NCK2: variants seen among roughly 807,000 people sequenced by gnomAD.
NCK2 encodes NCK adaptor protein 2, also known as cytoplasmic protein NCK2.
NCK2 carries 16 observed loss-of-function variants against 33.9 expected under a neutral mutation model. The observed-to-expected ratio is 0.47, with a 90% CI of 0.32 to 0.72. NCK2 has a LOEUF of 0.72. Among genes scored for constraint, NCK2 ranks in the 30% least tolerant of loss-of-function variants. The probability of loss-of-function intolerance (pLI) is 0.03; values close to 1 mark genes in which losing one functional copy is unlikely to be tolerated. For missense variants in NCK2, 418 were observed against 537.3 expected (o/e 0.78, Z 2.19); for synonymous variants, 273 against 239.9 (o/e 1.14, Z -1.27).
chr2:105,785,018 G>A (rs11904001), intron 1 of NCK2, among the ~76,000 whole-genome samples: 34,677 of 151,996 alleles, frequency 0.23, 4,133 homozygotes, highest in Middle Eastern at 0.34. Flanking sequence ...TCGCTCTGTC[G>A]CCCAGGCTGG....
At chr2:105,870,717 C>G (rs939505718) in intron 3 of NCK2, among the ~76,000 whole-genome samples, 6 of 152,068 alleles carry the variant, frequency 3.9e-5, no homozygotes, top group Non-Finnish European at 2.9e-5. Context: ...CGCCACCTCA[C>G]TCCAGCCTGG....
At chr2:105,807,223 A>G (rs558788210) in intron 1 of NCK2, among the ~76,000 whole-genome samples, 4 of 152,312 alleles carry the variant, frequency 2.6e-5, no homozygotes, top group South Asian at 4.1e-4. Context: ...CTGTCCTGTG[A>G]CGCACCTGCG....
intron 1 of NCK2, among the ~76,000 whole-genome samples, chr2:105,749,284 T>G (rs1689379734): frequency 6.6e-6 from 1 of 152,246 alleles, no homozygotes; most frequent in African/African-American, 2.4e-5. Context: ...AAGCTTCAAG[T>G]GCACTCAGAA....
chr2:105,744,745 C>G (rs1296528341), upstream of NCK2, among the ~76,000 whole-genome samples: 2 of 150,106 alleles, frequency 1.3e-5, no homozygotes, highest in Non-Finnish European at 3.0e-5. Flanking sequence ...GGTCTCGGGT[C>G]CCCGCCCCGC....
chr2:105,832,079 T>G (rs983183783), intron 2 of NCK2, among the ~76,000 whole-genome samples: 1 of 152,202 alleles, frequency 6.6e-6, no homozygotes, highest in African/African-American at 2.4e-5. Context: ...CATCTTTCAC[T>G]TTCTTGGTTA....
intron 2 of NCK2, among the ~76,000 whole-genome samples, chr2:105,851,031 T>C (rs1677044881): frequency 1.3e-5 from 2 of 152,270 alleles, no homozygotes; most frequent in South Asian, 4.1e-4. Context: ...CCAACCTGTG[T>C]TGGCAAAGAG....
intron 3 of NCK2, among the ~76,000 whole-genome samples, chr2:105,863,829 T>C (rs1380894275): frequency 6.6e-6 from 1 of 152,180 alleles, no homozygotes; most frequent in East Asian, 1.9e-4. Context: ...ATTGAGTGAC[T>C]TTGAACAAGC....
rs532677697 is a variant in NCK2 at position 105,763,267 on chromosome 2, C to T, written c.-201+18129C>T. ...CCTCACCATTCTGCCAAGGGGAGAG[C>T]GGGACCTCGCCAGGGACCAGGTGTC... On this transcript the variant is annotated intron_variant, in intron 1 of 4. Transcript: ENST00000233154. Among the ~76,000 whole-genome samples, 21 of 152,270 alleles carry T rather than the reference C, an allele frequency of 1.4e-4. No individual in the cohort carries two copies. In the South Asian group the frequency reaches 4.4e-3, roughly 32 times the overall value.
chr2:105,874,075 C>T (rs1394029451), intron 3 of NCK2, among the ~76,000 whole-genome samples: 1 of 152,166 alleles, frequency 6.6e-6, no homozygotes, highest in African/African-American at 2.4e-5. Context: ...GGGTTCTGAA[C>T]AGATTAAGAC....
At chr2:105,862,528 T>C (rs1223803338) in intron 3 of NCK2, among the ~76,000 whole-genome samples, 2 of 152,198 alleles carry the variant, frequency 1.3e-5, no homozygotes, top group Non-Finnish European at 2.9e-5. Context: ...ATTGACTATC[T>C]GGATTTAGTG....
chr2:105,802,819 C>T lies in NCK2; in HGVS notation c.-200-13611C>T, dbSNP rs140736760. ...TGCCCCCATGTGTCACATACATGGG[C>T]CATGGATGATGACTGATCATCTGGA... On this transcript the variant is annotated intron_variant, in intron 1 of 4. Transcript: ENST00000233154. Among the ~76,000 whole-genome samples, 1,291 of 151,934 alleles carry T rather than the reference C, an allele frequency of 8.5e-3. 24 individuals are homozygous for T. The highest frequency in any genetic ancestry group is 0.029 in the African/African-American group (1,220 of 41,440).
intron 2 of NCK2, among the ~76,000 whole-genome samples, chr2:105,825,316 A>G (rs1216205044): frequency 6.6e-6 from 1 of 152,196 alleles, no homozygotes; most frequent in South Asian, 2.1e-4. Flanking sequence ...GCGAGTTTTC[A>G]TGTATTCACA....
intron 1 of NCK2, among the ~76,000 whole-genome samples, chr2:105,806,891 A>G (rs1008783372): frequency 4.6e-5 from 7 of 152,072 alleles, no homozygotes; most frequent in African/African-American, 1.7e-4. Context: ...TTTTCTCCAG[A>G]GTTTCTTTGT....
intron 4 of NCK2, among the ~76,000 whole-genome samples, chr2:105,885,420 A>G (rs1678685769): frequency 6.6e-6 from 1 of 152,208 alleles, no homozygotes. Context: ...AAAATAGAAT[A>G]GCTCCTTTCT....
intron 1 of NCK2, among the ~76,000 whole-genome samples, chr2:105,800,648 C>T (rs1293645315): frequency 6.6e-6 from 1 of 152,148 alleles, no homozygotes; most frequent in Non-Finnish European, 1.5e-5. Flanking sequence ...TGTTTTTGGT[C>T]TGTTTGAGAT....
chr2:105,783,285 G>A (rs2104407010), intron 1 of NCK2, among the ~76,000 whole-genome samples: 1 of 152,310 alleles, frequency 6.6e-6, no homozygotes, highest in East Asian at 1.9e-4. Context: ...GCTAGAGCTT[G>A]GGTGGGCCCC....
rs1173131586 is a variant in NCK2, at chr2:105,765,791, GTGTGTGTGTGTGTGTGTGTGTGTGTC to G, written c.-201+20669_-201+20694del. Among the ~76,000 whole-genome samples, 56 of 148,678 alleles carry G rather than the reference GTGTGTGTGTGTGTGTGTGTGTGTGTC, an allele frequency of 3.8e-4. No homozygotes were observed. In the East Asian group the frequency reaches 0.011, roughly 28 times the overall value. ...AGATACAGCTTAGAATAGGGGGTGT[GTGTGTGTGTGTGTGTGTGTGTGTGTC>G]TGTGTGTGTGTGTGTAAGTCTGTGG... is the stretch of plus-strand genomic sequence containing the variant. On this transcript the variant is annotated intron_variant, in intron 1 of 4. Coordinates refer to ENST00000233154, the MANE Select transcript of NCK2 (RefSeq NM_003581.5).
intron 2 of NCK2, chr2:105,851,902 G>GGTTTT (rs1366883262): frequency 3.2e-4 from 49 of 152,504 alleles, no homozygotes; most frequent in African/African-American, 1.0e-3. Context: ...AAGCAGGTTC[G>GGTTTT]GTTTTGTTTT....
At chr2:105,777,463 C>T (rs1316724746) in intron 1 of NCK2, among the ~76,000 whole-genome samples, 1 of 152,016 alleles carries the variant, frequency 6.6e-6, no homozygotes, top group African/African-American at 2.4e-5. Flanking sequence ...CCTGGCACGG[C>T]GTGGGTGGAG....
Sources: allele counts gnomAD v4.1 joint callset (sites outside exome capture counted in the v4.1 genomes callset), GRCh38; gene constraint gnomAD v4.1.1; transcripts MANE v1.5; gene names NCBI Gene and HGNC (gene_info 2026-07-23, HGNC 2026-07-21).